ISM1: variants seen among roughly 807,000 people sequenced by gnomAD.
ISM1 encodes the protein isthmin-1.
ISM1 carries 25 observed loss-of-function variants against 46.3 expected under a neutral mutation model. The ratio of observed to expected loss-of-function variants is 0.54; its 90% confidence interval spans 0.39 to 0.75. ISM1 has a LOEUF of 0.75. Among genes scored for constraint, ISM1 ranks in the 30% least tolerant of loss-of-function variants. The pLI is 0.00. For synonymous variants in ISM1, 255 were observed against 256.7 expected (o/e 0.99, Z 0.06); for missense variants, 536 against 625.4 (o/e 0.86, Z 1.52).
chr20:13,270,430 T>C, intron 1 of ISM1, 74 bp from the exon 2 acceptor site: 1 of 1,497,986 alleles, frequency 6.7e-7, no homozygotes, highest in East Asian at 2.5e-5. Context: ...CTCCTGAATA[T>C]AATGGACTGT....
the ISM1 span, among the ~76,000 whole-genome samples, chr20:13,322,724 A>T: frequency 6.6e-6 from 1 of 152,168 alleles, no homozygotes; most frequent in Non-Finnish European, 1.5e-5. Context: ...TTCCTAAAGG[A>T]TGGGGGTGGA....
At chr20:13,249,163 G>A (rs1345654678) in intron 1 of ISM1, among the ~76,000 whole-genome samples, 1 of 152,106 alleles carries the variant, frequency 6.6e-6, no homozygotes, top group Non-Finnish European at 1.5e-5. Flanking sequence ...ACAAAGATCT[G>A]GGGGGAAAAA....
intron 4 of ISM1, among the ~76,000 whole-genome samples, chr20:13,291,108 T>G (rs2040348763): frequency 6.6e-6 from 1 of 152,204 alleles, no homozygotes; most frequent in Non-Finnish European, 1.5e-5. Flanking sequence ...TTTAAGTGCC[T>G]TGTCAGGGGA....
chr20:13,232,459 C>T (rs914206043), intron 1 of ISM1, among the ~76,000 whole-genome samples: 11 of 152,180 alleles, frequency 7.2e-5, no homozygotes, highest in African/African-American at 2.7e-4. Context: ...TCATGTTGTT[C>T]TGTGCATAGA....
chr20:13,224,872 G>A (rs1374971529), intron 1 of ISM1, among the ~76,000 whole-genome samples: 1 of 126,154 alleles, frequency 7.9e-6, no homozygotes, highest in Non-Finnish European at 1.6e-5. Flanking sequence ...TTGAGACGCA[G>A]TCTTGCTCTG....
At chr20:13,312,091 A>G in the ISM1 span, among the ~76,000 whole-genome samples, 3 of 152,326 alleles carry the variant, frequency 2.0e-5, no homozygotes, top group African/African-American at 7.2e-5. Flanking sequence ...AAGAACATAT[A>G]TATATCTTAA....
chr20:13,312,093 A>G, the ISM1 span, among the ~76,000 whole-genome samples: 2 of 152,210 alleles, frequency 1.3e-5, no homozygotes, highest in African/African-American at 4.8e-5. Context: ...GAACATATAT[A>G]TATCTTAAAG....
At chr20:13,294,264 G>A (rs2123325374) in intron 5 of ISM1, among the ~76,000 whole-genome samples, 1 of 152,326 alleles carries the variant, frequency 6.6e-6, no homozygotes, top group African/African-American at 2.4e-5. Context: ...ATTGGATGCA[G>A]TTTGGAAATT....
intron 1 of ISM1, among the ~76,000 whole-genome samples, chr20:13,257,230 A>G (rs570703158): frequency 2.0e-5 from 3 of 152,312 alleles, no homozygotes; most frequent in Admixed American, 1.3e-4. Context: ...TTAAGAGAGT[A>G]TCGGCCAGGC....
chr20:13,322,951 A>G, the ISM1 span, among the ~76,000 whole-genome samples: 4 of 152,208 alleles, frequency 2.6e-5, no homozygotes, highest in African/African-American at 4.8e-5. Flanking sequence ...TGGGTTAAAA[A>G]GAGTCCCTGG....
chr20:13,240,079 G>T (rs1160355755), intron 1 of ISM1, among the ~76,000 whole-genome samples: 6 of 152,162 alleles, frequency 3.9e-5, no homozygotes, highest in Non-Finnish European at 5.9e-5. Flanking sequence ...CTGCAGTAAG[G>T]CAAATGAAAT....
At chr20:13,250,854 A>G (rs1218717217) in intron 1 of ISM1, among the ~76,000 whole-genome samples, 1 of 152,194 alleles carries the variant, frequency 6.6e-6, no homozygotes, top group Non-Finnish European at 1.5e-5. Context: ...TCAGCTTTTA[A>G]GTATGTTGGG....
intron 2 of ISM1, among the ~76,000 whole-genome samples, chr20:13,272,327 G>A (rs369495891): frequency 2.0e-5 from 3 of 152,102 alleles, no homozygotes; most frequent in Admixed American, 6.5e-5. Context: ...ATGGGAGCAC[G>A]CAAATCTCAC....
chr20:13,252,946 C>A (rs1324449026), intron 1 of ISM1, among the ~76,000 whole-genome samples: 3 of 152,200 alleles, frequency 2.0e-5, no homozygotes, highest in Non-Finnish European at 4.4e-5. Context: ...CCTCTCAGAT[C>A]TCACTTAATC....
intron 1 of ISM1, among the ~76,000 whole-genome samples, chr20:13,258,903 C>T (rs1262295898): frequency 6.6e-6 from 1 of 152,158 alleles, no homozygotes; most frequent in Non-Finnish European, 1.5e-5. Context: ...ATTAGACCAA[C>T]ATCCGGATAG....
chr20:13,278,009 C>T (rs1474412397), intron 2 of ISM1, among the ~76,000 whole-genome samples: 3 of 152,200 alleles, frequency 2.0e-5, no homozygotes, highest in Non-Finnish European at 2.9e-5. Flanking sequence ...CAGAGCATCT[C>T]AGCAACTCTA....
chr20:13,325,046 T>C, the ISM1 span, among the ~76,000 whole-genome samples: 1 of 152,216 alleles, frequency 6.6e-6, no homozygotes. Flanking sequence ...CAAATCAGAA[T>C]GTTTCTGTTT....
chr20:13,299,509 C>CGTGT lies in ISM1; in HGVS notation c.*53_*54insTGTG. 4.0e-6 allele frequency: 6 copies of CGTGT among 1,506,732 alleles called. No individual in the cohort carries two copies. Among genetic ancestry groups the CGTGT allele is most frequent in the Non-Finnish European group, 5.4e-6 (6 of 1,112,826 alleles). The allele number at this position is 1,506,732 out of a possible 1,614,324, so 93.3% of individuals were successfully genotyped here. A position where few individuals can be genotyped will look rare whatever the true frequency, so the allele number is the denominator to read the frequency against. ...GCTGCCTCTGGTTCTGGAGCACACA[C>CGTGT]GTGCTGCACTGACGTGCCGACTGGC... On this transcript the variant is annotated 3_prime_UTR_variant, in exon 6 of 6. Coordinates refer to ENST00000262487, the MANE Select transcript of ISM1 (RefSeq NM_080826.2). The surrounding 1 kb of genome is among the most constrained non-coding windows in gnomAD (Gnocchi z 5.8).
chr20:13,253,648 G>T (rs1280021645), intron 1 of ISM1, among the ~76,000 whole-genome samples: 1 of 152,054 alleles, frequency 6.6e-6, no homozygotes, highest in African/African-American at 2.4e-5. Flanking sequence ...TTCCACAGGG[G>T]ATAGGACCCG....
Sources: gnomAD v4.1 joint callset for allele counts (sites outside exome capture counted in the v4.1 genomes callset) on GRCh38, gnomAD v4.1.1 for gene constraint, Gnocchi (gnomAD v3.1) non-coding constraint, MANE v1.5 for transcripts, NCBI Gene and HGNC (gene_info 2026-07-23, HGNC 2026-07-21) for gene names.